The following ZNF736 variants were observed in gnomAD, a reference collection of about 807,000 sequenced individuals.
The protein encoded by ZNF736 is KRAB-containing zinc-finger repressor protein.
Under a neutral mutation model 11.7 loss-of-function variants are expected in ZNF736, and 6 were observed. The observed-to-expected ratio is 0.51, with a 90% confidence interval of 0.28 to 1.01. The LOEUF (loss-of-function observed/expected upper bound fraction) is 1.01. ZNF736 is among the 50% of genes least tolerant of loss of function. The pLI is 0.09. For missense variants in ZNF736, 444 were observed against 496.0 expected, an observed-to-expected ratio of 0.90 and a Z score of 1.00; for synonymous variants, 139 against 164.7, an observed-to-expected ratio of 0.84 and a Z score of 1.19.
At chr7:64,348,044 T>C in intron 3 of ZNF736, 46 bp from the exon 4 acceptor site, 2 of 1,361,672 alleles carry the variant, frequency 1.5e-6, no homozygotes, top group Non-Finnish European at 1.9e-6. Flanking sequence ...TTGTGAAGTA[T>C]ATTCACCTGA....
chr7:64,331,063 C>T (rs1220848099), intron 1 of ZNF736, among the ~76,000 whole-genome samples: 4 of 152,220 alleles, frequency 2.6e-5, no homozygotes, highest in South Asian at 2.1e-4. Context: ...TCCCAGTAGG[C>T]ATCTCACAAG....
chr7:64,314,116 A>C lies in ZNF736; in HGVS notation c.-35A>C. On this transcript the variant is annotated 5_prime_UTR_variant, in exon 1 of 4. Coordinates refer to ENST00000423484, the MANE Select transcript of ZNF736 (RefSeq NM_001170905.3). ...GTGACCTGCAGGTACTGGGAGATCC[A>C]TAGGGAGGACGGCGGAACATCTGGA... is the stretch of plus-strand genomic sequence containing the variant. 3.2e-6 allele frequency: 5 copies of C among 1,551,840 alleles called. No individual in the cohort carries two copies. The highest frequency in any genetic ancestry group is 3.5e-6 in the Non-Finnish European group (4 of 1,147,154).
At chr7:64,315,510 G>C (rs1267338318) in intron 1 of ZNF736, among the ~76,000 whole-genome samples, 1 of 152,128 alleles carries the variant, frequency 6.6e-6, no homozygotes, top group Non-Finnish European at 1.5e-5. Flanking sequence ...CTTGTGGTTG[G>C]TTAAGCCTAA....
rs191540871 is a variant in ZNF736, at chr7:64,349,262, G to A, written c.*115G>A. 56 of 966,002 alleles carry A rather than the reference G, an allele frequency of 5.8e-5. No individual in the cohort carries two copies. The highest frequency in any genetic ancestry group is 7.8e-5 in the Non-Finnish European group (53 of 680,272). 59.8% of individuals were successfully genotyped at this position (966,002 alleles called of 1,614,324 possible). On this transcript the variant is annotated 3_prime_UTR_variant, in exon 4 of 4. Transcript: ENST00000423484. Reference sequence around the variant, plus strand: ...TGGAAGAACATTTATCATCTTAGAGGGTCTCTAAGAACTTACTTTATAATC... The same window carrying A: ...TGGAAGAACATTTATCATCTTAGAGAGTCTCTAAGAACTTACTTTATAATC...
intron 1 of ZNF736, among the ~76,000 whole-genome samples, chr7:64,321,113 A>C (rs1208049877): frequency 6.6e-6 from 1 of 152,180 alleles, no homozygotes; most frequent in African/African-American, 2.4e-5. Flanking sequence ...ATCACTCCTC[A>C]AGGTGTCACC....
rs540981925 is a variant in ZNF736, at chr7:64,353,100, A to G, written c.*3953A>G. ...TAAGTGGCTTATCTGCTGAGACTCC[A>G]TGTAGCTCTGTGTGTTAAACTGAAG... On this transcript the variant is annotated 3_prime_UTR_variant, in exon 4 of 4. Transcript: ENST00000423484. 2.6e-5 allele frequency: 4 copies of G among 152,352 alleles called. No homozygotes were observed. The South Asian group carries it at 6.2e-4, about 24-fold the overall frequency. 9.4% of individuals were successfully genotyped at this position (152,352 alleles called of 1,614,324 possible). A position where few individuals can be genotyped will look rare whatever the true frequency, so the allele number is the denominator to read the frequency against.
chr7:64,336,154 A>G (rs1789245263), intron 1 of ZNF736, 105 bp from the exon 2 acceptor site: 7 of 1,295,900 alleles, frequency 5.4e-6, no homozygotes, highest in South Asian at 1.3e-5. Flanking sequence ...GGATAACTCC[A>G]GTAACTCATA....
intron 1 of ZNF736, among the ~76,000 whole-genome samples, chr7:64,327,775 A>T (rs78831243): frequency 6.6e-6 from 1 of 152,168 alleles, no homozygotes; most frequent in African/African-American, 2.4e-5. Context: ...TTTTAAACGG[A>T]TGGCAACTTA....
intron 1 of ZNF736, among the ~76,000 whole-genome samples, chr7:64,329,159 C>CTTTT (rs140270861): frequency 3.4e-5 from 5 of 148,252 alleles, no homozygotes; most frequent in South Asian, 2.1e-4. Context: ...TCTTTTTCTT[C>CTTTT]TTTTTTTTTT....
In ZNF736 at chr7:64,323,003, C is replaced by G. The variant is rs187936507; in HGVS notation, c.3+8850C>G. ...GGCCACCTAAACTTACAGTCTTTAA[C>G]CACACTGTTTATGGATTCCCTTCTT... is the stretch of plus-strand genomic sequence containing the variant. On this transcript the variant is annotated intron_variant, in intron 1 of 3. Coordinates refer to ENST00000423484, the MANE Select transcript of ZNF736 (RefSeq NM_001170905.3). 2.1e-3 allele frequency among the ~76,000 whole-genome samples: 320 copies of G among 152,264 alleles called. 1 individual carries two copies. The highest frequency in any genetic ancestry group is 7.2e-3 in the African/African-American group (299 of 41,562).
chr7:64,322,556 A>C (rs1428912134), intron 1 of ZNF736, among the ~76,000 whole-genome samples: 1 of 152,228 alleles, frequency 6.6e-6, no homozygotes, highest in African/African-American at 2.4e-5. Context: ...CATTTCTAAA[A>C]TTACGGCTGA....
At chr7:64,347,793 G>A (rs1452151244) in intron 3 of ZNF736, among the ~76,000 whole-genome samples, 2 of 152,130 alleles carry the variant, frequency 1.3e-5, no homozygotes, top group Admixed American at 1.3e-4. Flanking sequence ...GGAGTCTATA[G>A]TTAGAGTCAT....
intron 1 of ZNF736, among the ~76,000 whole-genome samples, chr7:64,332,454 C>T (rs1248929314): frequency 2.0e-5 from 3 of 152,232 alleles, no homozygotes; most frequent in African/African-American, 7.2e-5. Flanking sequence ...GGGCAAAAAG[C>T]AGAACGAAGA....
At chr7:64,343,492 T>C (rs1180562002) in intron 3 of ZNF736, among the ~76,000 whole-genome samples, 1 of 152,210 alleles carries the variant, frequency 6.6e-6, no homozygotes, top group African/African-American at 2.4e-5. Flanking sequence ...GTAGCAGTTA[T>C]CCCAAACCTT....
intron 1 of ZNF736, among the ~76,000 whole-genome samples, chr7:64,335,460 T>C (rs1789234594): frequency 1.3e-5 from 2 of 152,216 alleles, no homozygotes; most frequent in African/African-American, 2.4e-5. Flanking sequence ...TATCCTTCTT[T>C]GTTAATCAGC....
intron 1 of ZNF736, 31 bp from the exon 2 acceptor site, chr7:64,336,228 G>A: frequency 1.9e-6 from 3 of 1,595,964 alleles, no homozygotes; most frequent in Non-Finnish European, 2.6e-6. Context: ...TTCTTTCTAT[G>A]GTCACTTGGT....
At chr7:64,321,486 A>C (rs1440548238) in intron 1 of ZNF736, among the ~76,000 whole-genome samples, 1 of 152,206 alleles carries the variant, frequency 6.6e-6, no homozygotes, top group Non-Finnish European at 1.5e-5. Flanking sequence ...CAGTATTATG[A>C]CCCAGATTTT....
chr7:64,315,152 C>T (rs1188467810), intron 1 of ZNF736, among the ~76,000 whole-genome samples: 1 of 152,180 alleles, frequency 6.6e-6, no homozygotes, highest in East Asian at 1.9e-4. Flanking sequence ...GGTGGGGCCT[C>T]CCCAGAAGCA....
At chr7:64,347,066 A>G (rs1448297359) in intron 3 of ZNF736, among the ~76,000 whole-genome samples, 2 of 151,908 alleles carry the variant, frequency 1.3e-5, no homozygotes, top group Non-Finnish European at 2.9e-5. Context: ...TTTGTATAAT[A>G]AAAAGCCACA....
Sources: allele counts gnomAD v4.1 joint callset (sites outside exome capture counted in the v4.1 genomes callset), GRCh38; gene constraint gnomAD v4.1.1; transcripts MANE v1.5; gene names NCBI Gene and HGNC (gene_info 2026-07-23, HGNC 2026-07-21).